The following RNFT2 variants were observed in gnomAD, a reference collection of about 807,000 sequenced individuals.
RNFT2 encodes ring finger protein, transmembrane 2.
Under a neutral mutation model 53.0 loss-of-function variants are expected in RNFT2, and 36 were observed. That is an observed-to-expected ratio of 0.68 (90% CI 0.52 to 0.90). The LOEUF (loss-of-function observed/expected upper bound fraction) is 0.90, where lower values mean the gene tolerates loss of function less well. RNFT2 is among the 40% of genes least tolerant of loss of function. The probability of loss-of-function intolerance (pLI) is 0.00; values close to 1 mark genes in which losing one functional copy is unlikely to be tolerated. For synonymous variants in RNFT2, 260 were observed against 253.2 expected (o/e 1.03, Z -0.26); for missense variants, 514 against 585.6 (o/e 0.88, Z 1.26).
intron 10 of RNFT2, among the ~76,000 whole-genome samples, chr12:116,842,779 A>C (rs1213532710): frequency 6.6e-6 from 1 of 152,098 alleles, no homozygotes; most frequent in Non-Finnish European, 1.5e-5. Flanking sequence ...TCGCCATGTT[A>C]GCCAGGCTAG....
In RNFT2 at chr12:116,814,120, T is replaced by C. The variant is rs1461551880; in HGVS notation, c.883-19672T>C. Among the ~76,000 whole-genome samples, 3 of 152,314 alleles carry C rather than the reference T, an allele frequency of 2.0e-5. No individual in the cohort carries two copies. In the East Asian group the frequency reaches 5.8e-4, roughly 29 times the overall value. Reference sequence around the variant, plus strand: ...GAGTAGATGATGATAGTCATTGTCATGGCAACATTGTAGAAGCCAGTCACC... The same window carrying C: ...GAGTAGATGATGATAGTCATTGTCACGGCAACATTGTAGAAGCCAGTCACC... On this transcript the variant is annotated intron_variant, in intron 7 of 10. Transcript: ENST00000257575.
intron 3 of RNFT2, 110 bp downstream of exon 3, chr12:116,741,204 C>T (rs1871593691): frequency 1.2e-6 from 1 of 802,406 alleles, no homozygotes; most frequent in East Asian, 2.7e-5. Context: ...TTGTTAGAGT[C>T]ACACTGATGG....
chr12:116,816,142 T>C (rs1036793706), intron 7 of RNFT2, among the ~76,000 whole-genome samples: 3 of 152,146 alleles, frequency 2.0e-5, no homozygotes, highest in Non-Finnish European at 2.9e-5. Flanking sequence ...GCTAACAGGG[T>C]CCCAGGCCAC....
intron 7 of RNFT2, among the ~76,000 whole-genome samples, chr12:116,812,417 C>A (rs1875426196): frequency 6.6e-6 from 1 of 152,296 alleles, no homozygotes; most frequent in Admixed American, 6.5e-5. Context: ...GACCAGATTA[C>A]CGCAGGTCCC....
intron 7 of RNFT2, among the ~76,000 whole-genome samples, chr12:116,813,303 G>T (rs1327922652): frequency 6.6e-6 from 1 of 152,160 alleles, no homozygotes; most frequent in Non-Finnish European, 1.5e-5. Context: ...TCTCTTCCCA[G>T]CCCGACACCT....
intron 7 of RNFT2, among the ~76,000 whole-genome samples, chr12:116,807,007 G>A (rs982346851): frequency 4.6e-5 from 7 of 152,056 alleles, no homozygotes; most frequent in African/African-American, 1.4e-4. Context: ...AATGGCTCCC[G>A]TCACTTTCAC....
chr12:116,797,679 A>G (rs1337490424), intron 7 of RNFT2, among the ~76,000 whole-genome samples: 2 of 152,214 alleles, frequency 1.3e-5, no homozygotes, highest in Non-Finnish European at 2.9e-5. Flanking sequence ...AGGGTAGAAG[A>G]AGGTAGCTTT....
rs988139182 is a variant in RNFT2 at position 116,762,873 on chromosome 12, A to C, written c.628-3941A>C. 2.0e-5 allele frequency among the ~76,000 whole-genome samples: 3 copies of C among 152,126 alleles called. No homozygotes were observed. In the East Asian group the frequency reaches 5.8e-4, roughly 29 times the overall value. ...GTGATCCGACCACCTCAGCCTCCCAAAGTGCTGGGATTACAGGCGTGAGCC... is the reference window on the plus strand; with the variant it reads ...GTGATCCGACCACCTCAGCCTCCCACAGTGCTGGGATTACAGGCGTGAGCC... On this transcript the variant is annotated intron_variant, in intron 5 of 10. Coordinates refer to ENST00000257575, the MANE Select transcript of RNFT2 (RefSeq NM_001382266.1).
chr12:116,852,625 A>G lies in RNFT2; in HGVS notation c.*3177A>G, dbSNP rs1877981791. On this transcript the variant is annotated 3_prime_UTR_variant, in exon 11 of 11. Transcript: ENST00000257575. ...ACAGGAACTTCTGCAACTGGTTTTT[A>G]TCGGAAAGATCATCCTGCCTGCAGA... The G allele has an allele frequency of 1.2e-6, 2 of 1,613,868 alleles. No homozygotes were observed. Among genetic ancestry groups the G allele is most frequent in the African/African-American group, 2.7e-5 (2 of 74,950 alleles).
At chr12:116,839,390 G>A (rs1222594678) in intron 10 of RNFT2, among the ~76,000 whole-genome samples, 22 of 137,092 alleles carry the variant, frequency 1.6e-4, no homozygotes, top group Non-Finnish European at 2.4e-4. Flanking sequence ...TTGGGTGGGT[G>A]GATGGATGGA....
chr12:116,796,766 G>A (rs1874521473), intron 7 of RNFT2, among the ~76,000 whole-genome samples: 1 of 152,134 alleles, frequency 6.6e-6, no homozygotes, highest in Non-Finnish European at 1.5e-5. Flanking sequence ...GGGCAGGTCT[G>A]AGTATTCTAA....
At chr12:116,743,266 G>A (rs1415957743) in intron 3 of RNFT2, among the ~76,000 whole-genome samples, 1 of 60,392 alleles carries the variant, frequency 1.7e-5, no homozygotes, top group Non-Finnish European at 3.7e-5. Flanking sequence ...ACACTCATGA[G>A]CTAGAATTTT....
chr12:116,754,074 C>T lies in RNFT2; in HGVS notation c.627+14C>T, dbSNP rs373962985. The T allele has an allele frequency of 4.7e-5, 76 of 1,607,230 alleles. No homozygotes were observed. The highest frequency in any genetic ancestry group is 4.0e-5 in the African/African-American group (3 of 74,796). On this transcript the variant is annotated intron_variant, in intron 5 of 10. Transcript: ENST00000257575. ...GTCTCACTGAAGGTGAGTCACTTTC[C>T]GACCTAGTCTCCTGTGGCTGCTGCA... is the stretch of plus-strand genomic sequence containing the variant.
chr12:116,789,008 G>C (rs1874075867), intron 7 of RNFT2, among the ~76,000 whole-genome samples: 1 of 150,762 alleles, frequency 6.6e-6, no homozygotes, highest in South Asian at 2.1e-4. Flanking sequence ...GAGGAGAGTA[G>C]ATGGATGGAT....
chr12:116,816,106 C>T (rs1875646655), intron 7 of RNFT2, among the ~76,000 whole-genome samples: 1 of 152,182 alleles, frequency 6.6e-6, no homozygotes, highest in Non-Finnish European at 1.5e-5. Flanking sequence ...GGGACCAGGA[C>T]AGAGGGAAGA....
At chr12:116,808,979 C>T (rs1034842803) in intron 7 of RNFT2, among the ~76,000 whole-genome samples, 1 of 152,184 alleles carries the variant, frequency 6.6e-6, no homozygotes, top group Admixed American at 6.5e-5. Flanking sequence ...GCCATCAGCC[C>T]CTTTTAGGAT....
intron 7 of RNFT2, among the ~76,000 whole-genome samples, chr12:116,796,527 G>A (rs187126803): frequency 3.9e-4 from 59 of 152,262 alleles, no homozygotes; most frequent in African/African-American, 1.4e-3. Context: ...GCACAGGGAC[G>A]GGGAGGGAAG....
chr12:116,828,976 C>T (rs892347223), intron 7 of RNFT2, among the ~76,000 whole-genome samples: 3 of 151,620 alleles, frequency 2.0e-5, no homozygotes, highest in Admixed American at 1.3e-4. Flanking sequence ...AGATAGACCC[C>T]ATCTCTAAAA....
chr12:116,780,806 G>A (rs1297510818), intron 7 of RNFT2, among the ~76,000 whole-genome samples: 1 of 152,120 alleles, frequency 6.6e-6, no homozygotes, highest in Non-Finnish European at 1.5e-5. Flanking sequence ...AGCTCATGCA[G>A]GGTTCCAGGT....
Sources: gnomAD v4.1 joint callset for allele counts (sites outside exome capture counted in the v4.1 genomes callset) on GRCh38, gnomAD v4.1.1 for gene constraint, MANE v1.5 for transcripts, NCBI Gene and HGNC (gene_info 2026-07-23, HGNC 2026-07-21) for gene names.